KCP: variants seen among roughly 807,000 people sequenced by gnomAD.
The protein encoded by KCP is kielin/chordin-like protein.
A neutral mutation model predicts 212.7 loss-of-function variants in KCP; 194 were observed. The observed-to-expected ratio is 0.91, with a 90% CI of 0.81 to 1.03. KCP has a LOEUF of 1.03. Among genes scored for constraint, KCP ranks in the 50% least tolerant of loss-of-function variants. The probability of loss-of-function intolerance (pLI) is 0.00; values close to 1 mark genes in which losing one functional copy is unlikely to be tolerated. For synonymous variants in KCP, 833 were observed against 865.3 expected (o/e 0.96, Z 0.65); for missense variants, 2,080 against 2,162.5 (o/e 0.96, Z 0.76).
intron 24 of KCP, 41 bp from the exon 25 acceptor site, chr7:128,886,778 C>A: frequency 1.3e-6 from 2 of 1,539,902 alleles, no homozygotes; most frequent in Non-Finnish European, 8.8e-7. Flanking sequence ...CCTGTGCCAC[C>A]CTGCCCTGCT....
intron 37 of KCP, 98 bp from the exon 38 acceptor site, chr7:128,878,820 A>G: frequency 8.1e-7 from 1 of 1,238,956 alleles, no homozygotes; most frequent in Non-Finnish European, 1.1e-6. Flanking sequence ...CAGTGCGGCC[A>G]GTGCTGTAGG....
intron 17 of KCP, 52 bp downstream of exon 17, chr7:128,891,594 C>CG (rs1462770453): frequency 1.3e-6 from 2 of 1,519,172 alleles, no homozygotes; most frequent in Non-Finnish European, 1.8e-6. Flanking sequence ...TGCTGCCTTC[C>CG]GGGGGCCATG....
Position 128,888,926 on chromosome 7 carries a change from A to T in KCP, c.2449T>A (p.Cys817Ser), listed in dbSNP as rs1793911236. 6.5e-7 allele frequency: 1 copy of T among 1,549,316 alleles called. No individual in the cohort carries two copies. The highest frequency in any genetic ancestry group is 8.7e-7 in the Non-Finnish European group (1 of 1,146,630). ...GGGTGGCTGCAGCCCGGAGGCTCAC[A>T]GGGCCGGCGGCCGCAGGTCACGAAG... Reference protein sequence around the residue: ...GGFVTCGRRPCEPPGCSHPLI... With the variant: ...GGFVTCGRRPSEPPGCSHPLI... The change falls in exon 22 of 40, where the codon TGT becomes AGT. Residue 817 changes from cysteine to serine, a missense_variant. Transcript: ENST00000610776.
intron 22 of KCP, among the ~76,000 whole-genome samples, chr7:128,888,473 CACACAGAT>C (rs769130468): frequency 8.1e-4 from 123 of 151,742 alleles, no homozygotes; most frequent in Admixed American, 1.3e-3. Context: ...GCAACACACA[CACACAGAT>C]ACACAGATAC....
At chr7:128,901,395 G>A (rs913544862) in intron 8 of KCP, among the ~76,000 whole-genome samples, 1 of 152,196 alleles carries the variant, frequency 6.6e-6, no homozygotes, top group African/African-American at 2.4e-5. Flanking sequence ...GGGAGGCAGA[G>A]GGGGGCGGAT....
chr7:128,878,779 C>T, intron 37 of KCP, 57 bp from the exon 38 acceptor site: 2 of 1,498,336 alleles, frequency 1.3e-6, no homozygotes, highest in African/African-American at 2.8e-5. Flanking sequence ...TTAAGAAGCC[C>T]AGGGTCCATC....
chr7:128,892,045 G>C (rs1027108769), intron 16 of KCP, among the ~76,000 whole-genome samples: 6 of 152,230 alleles, frequency 3.9e-5, no homozygotes, highest in African/African-American at 1.4e-4. Context: ...GTGTCTCTGA[G>C]GGGAAGAAGG....
intron 2 of KCP, among the ~76,000 whole-genome samples, 197 bp downstream of exon 2, chr7:128,908,229 A>G (rs1474641607): frequency 1.5e-5 from 2 of 131,172 alleles, no homozygotes; most frequent in East Asian, 2.7e-4. Context: ...GGAGGGAAGG[A>G]AAGAAGAAAG....
At chr7:128,890,665 C>T (rs967828068) in intron 20 of KCP, among the ~76,000 whole-genome samples, 152 bp from the exon 21 acceptor site, 12 of 133,536 alleles carry the variant, frequency 9.0e-5, no homozygotes, top group African/African-American at 3.5e-4. Context: ...GGCGGGGAGG[C>T]CGTGGGCTCC....
intron 4 of KCP, among the ~76,000 whole-genome samples, 167 bp from the exon 5 acceptor site, chr7:128,906,530 G>A (rs1181096797): frequency 6.6e-6 from 1 of 152,084 alleles, no homozygotes; most frequent in South Asian, 2.1e-4. Context: ...GAGACATCCC[G>A]CCCCCACTCC....
At chr7:128,897,730 A>T (rs1249177883) in intron 8 of KCP, among the ~76,000 whole-genome samples, 1 of 152,236 alleles carries the variant, frequency 6.6e-6, no homozygotes, top group Admixed American at 6.5e-5. Context: ...TTTGAAAATT[A>T]TCCAATTTAT....
intron 27 of KCP, 44 bp downstream of exon 27, chr7:128,885,053 G>A: frequency 6.5e-7 from 1 of 1,549,562 alleles, no homozygotes; most frequent in East Asian, 2.4e-5. Flanking sequence ...GTGGGCCCAG[G>A]GCTCCCTCCT....
At chr7:128,907,061 A>G in intron 4 of KCP, 40 bp downstream of exon 4, 1 of 1,531,978 alleles carries the variant, frequency 6.5e-7, no homozygotes, top group Non-Finnish European at 8.8e-7. Context: ...GGAGAGAGGC[A>G]GACAGGTGAG....
intron 21 of KCP, chr7:128,889,916 C>T (rs1793977934): frequency 6.6e-6 from 1 of 152,248 alleles, no homozygotes; most frequent in African/African-American, 2.9e-5. Flanking sequence ...GCTTTAGTGT[C>T]AGGCTTTTTT....
At chr7:128,902,476 G>A (rs1461026589) in intron 8 of KCP, among the ~76,000 whole-genome samples, 1 of 152,176 alleles carries the variant, frequency 6.6e-6, no homozygotes, top group Non-Finnish European at 1.5e-5. Flanking sequence ...AGGTCAAACC[G>A]TGATTCCCCT....
chr7:128,903,814 G>A lies in KCP; in HGVS notation c.661C>T (p.Arg221Ter), dbSNP rs571615256. ...CACTTCAGGGCCATGCAGCGAACTC[G>A]GCTCCTCTGTAATGCACCAGTGGCT... ...PCLQCTCLRS[R>*]VRCMALKCPP... The change falls in exon 7 of 40, where the codon CGA becomes TGA. Residue 221 changes from arginine to a stop codon, truncating the protein, a stop_gained. Coordinates refer to ENST00000610776, the MANE Select transcript of KCP (RefSeq NM_001366122.1). LOFTEE classifies it high-confidence loss of function. 45 of 1,550,950 alleles carry A rather than the reference G, an allele frequency of 2.9e-5. No individual in the cohort carries two copies. The South Asian group carries it at 3.0e-4, about 10-fold the overall frequency.
At chr7:128,891,397 C>T in intron 18 of KCP, 54 bp downstream of exon 18, 1 of 1,546,742 alleles carries the variant, frequency 6.5e-7, no homozygotes, top group South Asian at 1.2e-5. Context: ...CTCCTGGCCT[C>T]TGCAAGTCCC....
chr7:128,893,033 G>A lies in KCP; in HGVS notation c.1268-12C>T. 1.1e-6 allele frequency: 1 copy of A among 893,098 alleles called. No individual in the cohort carries two copies. The highest frequency in any genetic ancestry group is 1.8e-6 in the Non-Finnish European group (1 of 545,454). The allele number at this position is 893,098 out of a possible 1,614,324, so 55.3% of individuals were successfully genotyped here. ...ATCCAGCTCACAGGCTGTAGTAAGG[G>A]GGCTGTCACATGGCAGCCTACACAC... is the stretch of plus-strand genomic sequence containing the variant. On this transcript the variant is annotated splice_polypyrimidine_tract_variant and intron_variant, in intron 13 of 39. Transcript: ENST00000610776.
intron 9 of KCP, 69 bp from the exon 10 acceptor site, chr7:128,894,124 C>T: frequency 6.6e-7 from 1 of 1,518,404 alleles, no homozygotes; most frequent in Non-Finnish European, 8.9e-7. Flanking sequence ...CTTCATGGGC[C>T]CCCGAGCAGG....
Sources: gnomAD v4.1 joint callset for allele counts (sites outside exome capture counted in the v4.1 genomes callset) on GRCh38, gnomAD v4.1.1 for gene constraint, MANE v1.5 for transcripts, NCBI Gene and HGNC (gene_info 2026-07-23, HGNC 2026-07-21) for gene names.